PRMT8: variants seen among roughly 807,000 people sequenced by gnomAD.
PRMT8 encodes the protein protein arginine methyltransferase 8.
PRMT8 carries 7 observed loss-of-function variants against 47.1 expected under a neutral mutation model. The observed-to-expected ratio is 0.15, with a 90% CI of 0.08 to 0.28. PRMT8 has a LOEUF of 0.28. PRMT8 is among the 10% of genes least tolerant of loss of function. The probability of loss-of-function intolerance (pLI) is 1.00; values close to 1 mark genes in which losing one functional copy is unlikely to be tolerated. For missense variants in PRMT8, 237 were observed against 505.4 expected, an observed-to-expected ratio of 0.47 and a Z score of 5.09; for synonymous variants, 188 against 186.5, an observed-to-expected ratio of 1.01 and a Z score of -0.07.
intron 1 of PRMT8, among the ~76,000 whole-genome samples, chr12:3,510,733 C>T (rs980852840): frequency 4.6e-5 from 7 of 152,168 alleles, no homozygotes; most frequent in Non-Finnish European, 8.8e-5. Flanking sequence ...GTACCCCACC[C>T]CACTTTCTTC....
At chr12:3,488,206 T>A (rs1865340004), upstream of PRMT8, among the ~76,000 whole-genome samples, 1 of 152,154 alleles carries the variant, frequency 6.6e-6, no homozygotes, top group Non-Finnish European at 1.5e-5. Context: ...TCAAGAATAA[T>A]CTCTGGCATA....
At chr12:3,527,449 T>C (rs1333457635) in intron 1 of PRMT8, among the ~76,000 whole-genome samples, 1 of 152,144 alleles carries the variant, frequency 6.6e-6, no homozygotes, top group Non-Finnish European at 1.5e-5. Flanking sequence ...ACTGTGTAAT[T>C]TAAAACTTAT....
intron 2 of PRMT8, 93 bp downstream of exon 2, chr12:3,540,884 A>C: frequency 6.6e-6 from 9 of 1,354,368 alleles, no homozygotes; most frequent in Non-Finnish European, 7.2e-6. Context: ...ACTCCTTACC[A>C]TGGTAAAGGG....
chr12:3,588,076 C>CAGAAA (rs1259302209), intron 8 of PRMT8, among the ~76,000 whole-genome samples: 2 of 152,186 alleles, frequency 1.3e-5, no homozygotes, highest in Non-Finnish European at 2.9e-5. Flanking sequence ...GGAGCCCCAG[C>CAGAAA]AGAAGCAGGC....
intron 1 of PRMT8, among the ~76,000 whole-genome samples, chr12:3,419,056 A>T (rs1864511813): frequency 6.6e-6 from 1 of 152,234 alleles, no homozygotes; most frequent in African/African-American, 2.4e-5. Flanking sequence ...CGTTTTGTGG[A>T]TGGTTTGTTA....
chr12:3,507,017 A>G (rs557481348), intron 1 of PRMT8, among the ~76,000 whole-genome samples: 2 of 152,180 alleles, frequency 1.3e-5, no homozygotes, highest in South Asian at 2.1e-4. Context: ...TAATGCCACT[A>G]TAAGGGGAAG....
chr12:3,568,370 C>T (rs569687598), intron 4 of PRMT8, among the ~76,000 whole-genome samples: 5 of 141,508 alleles, frequency 3.5e-5, no homozygotes, highest in East Asian at 2.1e-4. Flanking sequence ...TCTGCGTGTT[C>T]GTGGACCTGT....
chr12:3,475,080 T>C (rs1216839455), intron 1 of PRMT8, among the ~76,000 whole-genome samples: 1 of 152,160 alleles, frequency 6.6e-6, no homozygotes, highest in Non-Finnish European at 1.5e-5. Context: ...GACAGGTGAC[T>C]CTCATCATAG....
intron 1 of PRMT8, among the ~76,000 whole-genome samples, chr12:3,457,064 G>GTTGTT (rs886944016): frequency 3.0e-4 from 45 of 152,276 alleles, no homozygotes; most frequent in East Asian, 3.9e-4. Flanking sequence ...GAAGAGTGCT[G>GTTGTT]TTGTTTTGTT....
At chr12:3,472,516 G>A (rs762465596) in intron 1 of PRMT8, among the ~76,000 whole-genome samples, 1 of 152,172 alleles carries the variant, frequency 6.6e-6, no homozygotes, top group Non-Finnish European at 1.5e-5. Flanking sequence ...TGTGACATTG[G>A]GACAAGTTAC....
Position 3,552,986 on chromosome 12 carries a change from C to T in PRMT8, c.418-665C>T. On this transcript the variant is annotated intron_variant, in intron 3 of 9. Transcript: ENST00000382622. This position sits in a 1 kb window ranked among gnomAD's most constrained non-coding sequence, Gnocchi z 4.5. ...CCCTGGGCTGGAGCTTGGCTTCCAA[C>T]CATTCCCATGAGGGCCTGCTCTCAG... The T allele has an allele frequency of 3.1e-6, 1 of 322,322 alleles. No individual in the cohort carries two copies. The highest frequency in any genetic ancestry group is 6.2e-6 in the Non-Finnish European group (1 of 160,514). 20.0% of individuals were successfully genotyped at this position (322,322 alleles called of 1,614,324 possible).
chr12:3,485,358 T>A (rs35507930), intron 1 of PRMT8, among the ~76,000 whole-genome samples: 25,616 of 152,148 alleles, frequency 0.17, 2,326 homozygotes, highest in Middle Eastern at 0.29. Context: ...AAGGGAAAGA[T>A]AATTAGATTT....
intron 8 of PRMT8, among the ~76,000 whole-genome samples, chr12:3,591,120 C>T (rs575324309): frequency 3.3e-5 from 5 of 152,152 alleles, no homozygotes; most frequent in South Asian, 4.2e-4. Flanking sequence ...CTGGCAAGGA[C>T]GGTGGCCTCT....
chr12:3,491,853 TG>T (rs2137111262), intron 1 of PRMT8, among the ~76,000 whole-genome samples, 153 bp downstream of exon 1: 1 of 95,716 alleles, frequency 1.0e-5, no homozygotes, highest in East Asian at 3.2e-4. Flanking sequence ...TGTGTGTGTG[TG>T]TGTGTGTGTG....
At chr12:3,534,963 A>G (rs1306080225) in intron 1 of PRMT8, among the ~76,000 whole-genome samples, 1 of 152,210 alleles carries the variant, frequency 6.6e-6, no homozygotes, top group South Asian at 2.1e-4. Context: ...TACTATGAGG[A>G]TTTCACGAGA....
intron 6 of PRMT8, among the ~76,000 whole-genome samples, chr12:3,573,032 G>A (rs944487648): frequency 2.6e-5 from 4 of 152,034 alleles, no homozygotes; most frequent in South Asian, 4.1e-4. Context: ...GGATTGTTTC[G>A]TTAGTTTAGA....
At chr12:3,507,094 A>C (rs1237804998) in intron 1 of PRMT8, among the ~76,000 whole-genome samples, 2 of 149,888 alleles carry the variant, frequency 1.3e-5, no homozygotes, top group Non-Finnish European at 3.0e-5. Flanking sequence ...ATCTCTTGTT[A>C]GCTAAAGTAA....
Position 3,491,704 on chromosome 12 carries a change from A to T in PRMT8, c.75+4A>T. 1 of 1,606,338 alleles carries T rather than the reference A, an allele frequency of 6.2e-7. No individual in the cohort carries two copies. Among genetic ancestry groups the T allele is most frequent in the Non-Finnish European group, 8.5e-7 (1 of 1,178,558 alleles). On this transcript the variant is annotated splice_donor_region_variant and intron_variant, in intron 1 of 9. Transcript: ENST00000382622. The stretch of plus-strand genomic sequence containing the variant: ...GAACGCGGCCGAGAGCACCGAGGTA[A>T]GGAGGCGAGCGAGCAGGGGCTCTCG...
At chr12:3,487,304 C>T (rs901570395), upstream of PRMT8, among the ~76,000 whole-genome samples, 12 of 152,170 alleles carry the variant, frequency 7.9e-5, no homozygotes, top group Non-Finnish European at 1.3e-4. Context: ...TCAGCAGCAA[C>T]GACCATTGGA....
Sources: allele counts gnomAD v4.1 joint callset (sites outside exome capture counted in the v4.1 genomes callset), GRCh38; gene constraint gnomAD v4.1.1; non-coding constraint Gnocchi (gnomAD v3.1); transcripts MANE v1.5; gene names NCBI Gene and HGNC (gene_info 2026-07-23, HGNC 2026-07-21).